AFF2: variants seen among roughly 807,000 people sequenced by gnomAD.
AFF2 encodes AF4/FMR2 family member 2.
AFF2 carries 14 observed loss-of-function variants against 76.9 expected under a neutral mutation model. The ratio of observed to expected loss-of-function variants is 0.18; its 90% CI spans 0.12 to 0.28. AFF2 has a LOEUF of 0.28. Ranked by LOEUF, AFF2 falls within the 10% of genes least tolerant of loss-of-function variation. The probability of loss-of-function intolerance (pLI) is 1.00; values close to 1 mark genes in which losing one functional copy is unlikely to be tolerated. For synonymous variants in AFF2, 398 were observed against 366.7 expected, an observed-to-expected ratio of 1.09 and a Z score of -0.98; for missense variants, 868 against 1,001.1, an observed-to-expected ratio of 0.87 and a Z score of 1.79.
intron 3 of AFF2, among the ~76,000 whole-genome samples, chrX:148,788,618 C>A (rs1241914149): frequency 9.0e-6 from 1 of 111,662 alleles, no homozygotes; most frequent in Non-Finnish European, 1.9e-5. Flanking sequence ...CGTTTCTCAT[C>A]ACATCTGAAG....
At chrX:148,892,230 G>C (rs945627983) in intron 8 of AFF2, among the ~76,000 whole-genome samples, 2 of 111,709 alleles carry the variant, frequency 1.8e-5, no homozygotes, top group African/African-American at 6.5e-5. Context: ...GAGATGTATG[G>C]ACTTTCCAAC....
chrX:148,606,340 A>G (rs2053672103), intron 1 of AFF2, among the ~76,000 whole-genome samples: 1 of 112,029 alleles, frequency 8.9e-6, no homozygotes, highest in Non-Finnish European at 1.9e-5. Context: ...TTTGAAATCG[A>G]AAAGAGTATT....
intron 3 of AFF2, among the ~76,000 whole-genome samples, chrX:148,713,319 C>T (rs2054990786): frequency 9.0e-6 from 1 of 111,229 alleles, no homozygotes; most frequent in South Asian, 3.8e-4. Flanking sequence ...TTTTGAGCAG[C>T]ACGAGTGAGG....
intron 8 of AFF2, among the ~76,000 whole-genome samples, chrX:148,891,996 C>A (rs1281053592): frequency 8.9e-6 from 1 of 111,791 alleles, no homozygotes; most frequent in African/African-American, 3.3e-5. Flanking sequence ...CTAAAAGACC[C>A]TACTTAAAGC....
At chrX:148,707,046 G>A (rs1287026676) in intron 3 of AFF2, among the ~76,000 whole-genome samples, 1 of 111,714 alleles carries the variant, frequency 9.0e-6, no homozygotes, top group Non-Finnish European at 1.9e-5. Flanking sequence ...AGATTGAATG[G>A]TTTGAATTTG....
rs782754827 is a variant in AFF2, at chrX:148,662,410, A to G, written c.683A>G (p.Asp228Gly). 1.2e-5 allele frequency: 15 copies of G among 1,210,533 alleles called. No individual in the cohort carries two copies. The highest frequency in any genetic ancestry group is 1.3e-5 in the Non-Finnish European group (12 of 895,383). ...AGTAACCCTAATTCTAGTGGAGAAG[A>G]TGCTTTCAAAGAAATCTTTCAATCC... ...EDSNPNSSGE[D>G]AFKEIFQSNS... Residue 228 changes from aspartate to glycine, a missense_variant, in exon 3 of 21, where the codon GAT (aspartate) becomes GGT (glycine). By Grantham distance (94) the Asp-to-Gly change is moderately conservative. Around this residue, in one of 6 missense-constraint regions of AFF2, gnomAD observed 196 missense variants for 194.8 expected, o/e 1.01. Transcript: ENST00000370460.
At position 148,700,674 on chromosome X, in the gene AFF2, A is replaced by ATTG. The variant is rs782511252; in HGVS notation, c.1041+37924_1041+37926dup. ...ATATAACTACAGAAAAGCATTAAAAATTGTTGTTGTTGTTGTTGTTTAGAA... is the reference window on the plus strand; with the variant it reads ...ATATAACTACAGAAAAGCATTAAAAATTGTTGTTGTTGTTGTTGTTGTTTAGAA... On this transcript the variant is annotated intron_variant, in intron 3 of 20. Transcript: ENST00000370460. Among the ~76,000 whole-genome samples, 114 of 110,607 alleles carry ATTG rather than the reference A, an allele frequency of 1.0e-3. No homozygotes were observed. In the East Asian group the frequency reaches 0.022, roughly 21 times the overall value.
At chrX:148,520,230 A>C (rs1273978409) in intron 1 of AFF2, among the ~76,000 whole-genome samples, 2 of 112,230 alleles carry the variant, frequency 1.8e-5, no homozygotes, top group Non-Finnish European at 3.8e-5. Context: ...AAGGAAATGA[A>C]ATACATGTGT....
At chrX:148,726,431 C>A (rs782813666) in intron 3 of AFF2, among the ~76,000 whole-genome samples, 2 of 111,633 alleles carry the variant, frequency 1.8e-5, no homozygotes, top group Non-Finnish European at 3.8e-5. Context: ...GAACTGTTTA[C>A]CAGTCAAGTG....
intron 3 of AFF2, among the ~76,000 whole-genome samples, chrX:148,713,321 C>T (rs1603284983): frequency 9.0e-6 from 1 of 111,173 alleles, no homozygotes; most frequent in African/African-American, 3.3e-5. Flanking sequence ...TTGAGCAGCA[C>T]GAGTGAGGCA....
chrX:148,680,485 A>G (rs2054534861), intron 3 of AFF2, among the ~76,000 whole-genome samples: 1 of 111,544 alleles, frequency 9.0e-6, no homozygotes, highest in Non-Finnish European at 1.9e-5. Context: ...TAGATAATCA[A>G]AGATCAAGAG....
chrX:148,986,950 T>G (rs559530663), intron 19 of AFF2, among the ~76,000 whole-genome samples: 2 of 111,700 alleles, frequency 1.8e-5, no homozygotes, highest in African/African-American at 6.5e-5. Flanking sequence ...ACAAAAGCAG[T>G]GGTGTGCATG....
chrX:148,682,348 C>T (rs147230163), intron 3 of AFF2, among the ~76,000 whole-genome samples: 34 of 111,754 alleles, frequency 3.0e-4, no homozygotes, highest in African/African-American at 9.7e-4. Flanking sequence ...AGCTTGTTCC[C>T]GACATCTACA....
At chrX:148,985,525 C>T (rs12010814) in intron 19 of AFF2, among the ~76,000 whole-genome samples, 14,716 of 108,572 alleles carry the variant, frequency 0.14, 2,373 homozygotes, top group African/African-American at 0.46. Flanking sequence ...GAATTACAGA[C>T]GAGAAAGTCT....
chrX:148,799,245 AGGT>A (rs1557270759), intron 3 of AFF2, among the ~76,000 whole-genome samples: 1 of 112,063 alleles, frequency 8.9e-6, no homozygotes, highest in East Asian at 2.8e-4. Flanking sequence ...TAACAAAGCC[AGGT>A]CACTTAACAA....
chrX:148,545,996 C>G (rs1557238115), intron 1 of AFF2, among the ~76,000 whole-genome samples: 3 of 111,668 alleles, frequency 2.7e-5, no homozygotes, highest in Non-Finnish European at 5.7e-5. Flanking sequence ...CTTTTTCTAC[C>G]TAGTAAATTA....
intron 1 of AFF2, among the ~76,000 whole-genome samples, chrX:148,584,109 T>A (rs895708758): frequency 8.0e-5 from 9 of 112,048 alleles, no homozygotes; most frequent in Non-Finnish European, 1.7e-4. Flanking sequence ...TTTTTTCTTT[T>A]CTTTTTGTAA....
At chrX:148,924,792 CA>C (rs1557283577) in intron 9 of AFF2, among the ~76,000 whole-genome samples, 1 of 111,918 alleles carries the variant, frequency 8.9e-6, no homozygotes, top group Admixed American at 9.5e-5. Context: ...CTTCTAGTTT[CA>C]ACAACCTTTG....
intron 1 of AFF2, among the ~76,000 whole-genome samples, chrX:148,585,014 G>T (rs1248221381): frequency 8.9e-6 from 1 of 112,006 alleles, no homozygotes; most frequent in East Asian, 2.8e-4. Context: ...TAGAGGTGCT[G>T]TTCCAGGATA....
Sources: gnomAD v4.1 joint callset for allele counts (sites outside exome capture counted in the v4.1 genomes callset) on GRCh38, gnomAD v4.1.1 for gene constraint, gnomAD v4.1.1 regional missense constraint, MANE v1.5 for transcripts, NCBI Gene and HGNC (gene_info 2026-07-23, HGNC 2026-07-21) for gene names.